WWOX: variants seen among roughly 807,000 people sequenced by gnomAD.
WWOX encodes WW domain-containing oxidoreductase.
Under a neutral mutation model 46.2 loss-of-function variants are expected in WWOX, and 69 were observed. The ratio of observed to expected loss-of-function variants is 1.49; its 90% CI spans 1.23 to 1.82. The LOEUF (loss-of-function observed/expected upper bound fraction) is 1.82, where lower values mean the gene tolerates loss of function less well. WWOX is among the 40% of genes most tolerant of loss of function. The pLI is 0.00. For synonymous variants in WWOX, 359 were observed against 202.6 expected, an observed-to-expected ratio of 1.77 and a Z score of -6.56; for missense variants, 919 against 542.6, an observed-to-expected ratio of 1.69 and a Z score of -6.89.
chr16:78,735,852 T>TCTAGATACAATCTGTGAAAATGACTTTC (rs370818387), intron 8 of WWOX, among the ~76,000 whole-genome samples: 1 of 152,064 alleles, frequency 6.6e-6, no homozygotes, highest in African/African-American at 2.4e-5. Flanking sequence ...CTTTCTGCTC[T>TCTAGATACAATCTGTGAAAATGACTTTC]CTGCAACAGG....
At chr16:78,774,343 G>C (rs1427623826) in intron 8 of WWOX, among the ~76,000 whole-genome samples, 1 of 152,176 alleles carries the variant, frequency 6.6e-6, no homozygotes, top group Non-Finnish European at 1.5e-5. Flanking sequence ...GGAGTTTTCA[G>C]TGAGCCGAGA....
chr16:79,009,873 G>A (rs1224095562), intron 8 of WWOX, among the ~76,000 whole-genome samples: 2 of 152,350 alleles, frequency 1.3e-5, no homozygotes, highest in Non-Finnish European at 2.9e-5. Context: ...GGTGGTTGGA[G>A]AGAGTGAGTC....
chr16:79,022,687 G>C (rs2047558188), intron 8 of WWOX, among the ~76,000 whole-genome samples: 1 of 152,162 alleles, frequency 6.6e-6, no homozygotes, highest in African/African-American at 2.4e-5. Flanking sequence ...GATATGCACT[G>C]ATGTAAGGGG....
At chr16:78,213,478 A>G (rs930895400) in intron 5 of WWOX, among the ~76,000 whole-genome samples, 10 of 151,810 alleles carry the variant, frequency 6.6e-5, no homozygotes, top group Non-Finnish European at 1.3e-4. Context: ...TGTGCCCTAA[A>G]GAATTGAAGA....
intron 8 of WWOX, among the ~76,000 whole-genome samples, chr16:78,945,223 T>G (rs893639618): frequency 6.6e-6 from 1 of 152,112 alleles, no homozygotes; most frequent in Non-Finnish European, 1.5e-5. Flanking sequence ...TGCCTGTATA[T>G]GTAGAACAAA....
intron 7 of WWOX, among the ~76,000 whole-genome samples, chr16:78,430,025 A>G (rs56893368): frequency 6.6e-6 from 1 of 152,202 alleles, no homozygotes; most frequent in Non-Finnish European, 1.5e-5. Context: ...GCTAAGAAAG[A>G]CATACCCGAG....
intron 8 of WWOX, among the ~76,000 whole-genome samples, chr16:79,028,979 G>C (rs1161945849): frequency 2.0e-5 from 3 of 151,790 alleles, no homozygotes; most frequent in African/African-American, 7.3e-5. Flanking sequence ...GCTATGTGGA[G>C]AACACTCTCC....
At chr16:79,050,619 C>G (rs1245068803) in intron 8 of WWOX, among the ~76,000 whole-genome samples, 2 of 152,174 alleles carry the variant, frequency 1.3e-5, no homozygotes, top group Admixed American at 6.5e-5. Flanking sequence ...CAAGACTGCA[C>G]TTGTATTTGA....
At chr16:78,998,267 C>T (rs1386074405) in intron 8 of WWOX, among the ~76,000 whole-genome samples, 1 of 152,202 alleles carries the variant, frequency 6.6e-6, no homozygotes, top group South Asian at 2.1e-4. Context: ...TTGGACTGCA[C>T]ATCAGTTCAT....
chr16:78,836,882 C>G (rs1036988461), intron 8 of WWOX, among the ~76,000 whole-genome samples: 3 of 152,084 alleles, frequency 2.0e-5, no homozygotes, highest in Non-Finnish European at 4.4e-5. Context: ...AGTAGATGGG[C>G]TTTTGCGAAG....
chr16:78,380,156 G>GGC (rs1324458024), intron 5 of WWOX, among the ~76,000 whole-genome samples: 1 of 152,208 alleles, frequency 6.6e-6, no homozygotes, highest in African/African-American at 2.4e-5. Context: ...GACAGCATGA[G>GGC]GCAGTTACAG....
intron 1 of WWOX, among the ~76,000 whole-genome samples, chr16:78,106,806 A>G (rs936918226): frequency 3.3e-5 from 5 of 152,162 alleles, no homozygotes; most frequent in Admixed American, 2.6e-4. Context: ...TAGCTGGTAC[A>G]AGGTTTTAAT....
intron 8 of WWOX, among the ~76,000 whole-genome samples, chr16:78,831,508 G>A (rs373555540): frequency 1.1e-4 from 17 of 152,308 alleles, no homozygotes; most frequent in East Asian, 3.9e-4. Flanking sequence ...GGTACCCTAC[G>A]TGGGAGACCC....
At chr16:78,679,875 G>C (rs71398104) in intron 8 of WWOX, among the ~76,000 whole-genome samples, 3 of 152,194 alleles carry the variant, frequency 2.0e-5, no homozygotes, top group Non-Finnish European at 2.9e-5. Context: ...CATTTGCTTA[G>C]GTGGGCTCTG....
rs778288592 is a variant in WWOX, at chr16:78,115,018, G to A, written c.273G>A (p.Ala91=). The change falls in exon 4 of 9, where the codon GCG becomes GCA. Residue 91 remains alanine, a synonymous_variant. Transcript: ENST00000566780. ...KRTTYLDPRL[A]FTVDDNPTKP... ...CCACCTACTTGGACCCAAGACTGGC[G>A]TTTACTGTGGATGATAATCCGACCA... is the stretch of plus-strand genomic sequence containing the variant. 1.7e-5 allele frequency: 27 copies of A among 1,614,052 alleles called. No individual in the cohort carries two copies. The highest frequency in any genetic ancestry group is 8.9e-5 in the East Asian group (4 of 44,892).
chr16:78,136,557 A>G (rs1314256382), intron 4 of WWOX, among the ~76,000 whole-genome samples: 1 of 152,212 alleles, frequency 6.6e-6, no homozygotes, highest in East Asian at 1.9e-4. Context: ...TATGAGTTTC[A>G]AACTGAAATG....
chr16:79,012,313 A>T (rs184070465), intron 8 of WWOX, among the ~76,000 whole-genome samples: 1 of 151,992 alleles, frequency 6.6e-6, no homozygotes, highest in East Asian at 1.9e-4. Context: ...ACTCACTGCA[A>T]CCTACACTTC....
At chr16:78,802,166 A>G (rs952805340) in intron 8 of WWOX, among the ~76,000 whole-genome samples, 2 of 151,722 alleles carry the variant, frequency 1.3e-5, no homozygotes, top group African/African-American at 4.8e-5. Context: ...TATACAACAC[A>G]AAGAGCGAAG....
In WWOX at chr16:78,853,971, G is replaced by C. The variant is rs146743899; in HGVS notation, c.1057-357637G>C. Among the ~76,000 whole-genome samples the C allele has an allele frequency of 8.4e-3, 1,285 of 152,142 alleles. 21 individuals are homozygous for C. The highest frequency in any genetic ancestry group is 0.03 in the African/African-American group (1,232 of 41,484). ...CTTTTTATTTCTGAAGGAATTTCCA[G>C]AATGTTCGATTAAAAAATGAACAGA... On this transcript the variant is annotated intron_variant, in intron 8 of 8. Coordinates refer to ENST00000566780, the MANE Select transcript of WWOX (RefSeq NM_016373.4).
Sources: gnomAD v4.1 joint callset for allele counts (sites outside exome capture counted in the v4.1 genomes callset) on GRCh38, gnomAD v4.1.1 for gene constraint, MANE v1.5 for transcripts, NCBI Gene and HGNC (gene_info 2026-07-23, HGNC 2026-07-21) for gene names.